Variants in AHNAK observed in about 807,000 individuals in gnomAD.
AHNAK encodes neuroblast differentiation-associated protein AHNAK.
A neutral mutation model predicts 37.8 loss-of-function variants in AHNAK; 23 were observed. The observed-to-expected ratio is 0.61, with a 90% CI of 0.44 to 0.86. The LOEUF (loss-of-function observed/expected upper bound fraction) is 0.86. AHNAK is among the 40% of genes least tolerant of loss of function. The pLI, the probability that AHNAK is intolerant of heterozygous loss-of-function variation, is 0.00. For synonymous variants in AHNAK, 2,481 were observed against 2,636.3 expected (o/e 0.94, Z 1.80); for missense variants, 7,411 against 7,319.4 (o/e 1.01, Z -0.46).
At position 62,525,560 on chromosome 11, in the gene AHNAK, T is replaced by C; in HGVS notation, c.8857A>G (p.Met2953Val). Reference protein sequence around the residue: ...EGKLKGPKFKMPEMNIKAPKI... With the variant: ...EGKLKGPKFKVPEMNIKAPKI... Reference sequence around the variant, plus strand: ...GGGGCTTTGATATTCATCTCTGGCATCTTGAACTTGGGCCCTTTCAACTTT... The same window carrying C: ...GGGGCTTTGATATTCATCTCTGGCACCTTGAACTTGGGCCCTTTCAACTTT... Residue 2953 changes from methionine (M) to valine (V), a missense_variant, in exon 5 of 5, where the codon ATG becomes GTG. Transcript: ENST00000378024. 1 of 1,614,068 alleles carries C rather than the reference T, an allele frequency of 6.2e-7. No individual in the cohort carries two copies. The highest frequency in any genetic ancestry group is 8.5e-7 in the Non-Finnish European group (1 of 1,180,016).
chr11:62,545,003 C>G (rs1309995944), intron 1 of AHNAK, among the ~76,000 whole-genome samples: 2 of 152,160 alleles, frequency 1.3e-5, no homozygotes, highest in African/African-American at 4.8e-5. Flanking sequence ...GGGTTCGAAA[C>G]CAGTATTTAC....
At chr11:62,535,853 C>T in intron 3 of AHNAK, 92 bp downstream of exon 3, 1 of 1,490,678 alleles carries the variant, frequency 6.7e-7, no homozygotes, top group Non-Finnish European at 9.0e-7. Flanking sequence ...GACAGCCACT[C>T]ACCCACTTCT....
At position 62,518,415 on chromosome 11, in the gene AHNAK, G is replaced by A. The variant is rs139078432; in HGVS notation, c.16002C>T (p.Val5334=). ...CTCCTCCCACCTGCATTTTGCCACC[G>A]ACACCACTGAGGTTGAGCCCTGGAG... ...VHAPGLNLSG[V]GGKMQVGGDG... The change falls in exon 5 of 5, where the codon GTC becomes GTT. Residue 5334 remains valine (V), a synonymous_variant. Coordinates refer to ENST00000378024, the MANE Select transcript of AHNAK (RefSeq NM_001620.3). The A allele has an allele frequency of 9.5e-4, 1,531 of 1,614,032 alleles. 5 individuals are homozygous for A. In the African/African-American group the frequency reaches 0.012, roughly 12 times the overall value.
intron 5 of AHNAK, among the ~76,000 whole-genome samples, chr11:62,483,726 G>T (rs1036163376): frequency 1.8e-4 from 27 of 152,134 alleles, no homozygotes; most frequent in Non-Finnish European, 3.2e-4. Context: ...AGGCGTGGTG[G>T]CTGGCACCTG....
At position 62,533,517 on chromosome 11, in the gene AHNAK, A is replaced by C. The variant is rs1252816639; in HGVS notation, c.900T>G (p.Asp300Glu). The change falls in exon 5 of 5, where the codon GAT (aspartate) becomes GAG (glutamate). Residue 300 changes from aspartate (D) to glutamate (E), a missense_variant. Transcript: ENST00000378024. Reference protein sequence around the residue: ...EVQGPSLESGDHGKIKFPTMK... With the variant: ...EVQGPSLESGEHGKIKFPTMK... The stretch of plus-strand genomic sequence containing the variant: ...TGGTGGGAAATTTAATTTTGCCATG[A>C]TCACCACTCTCCAGAGATGGGCCCT... 1.2e-6 allele frequency: 2 copies of C among 1,614,070 alleles called. No individual in the cohort carries two copies. Among genetic ancestry groups the C allele is most frequent in the South Asian group, 1.1e-5 (1 of 91,076 alleles).
chr11:62,537,078 C>T (rs1039171366), intron 1 of AHNAK, among the ~76,000 whole-genome samples: 1 of 151,862 alleles, frequency 6.6e-6, no homozygotes, highest in Non-Finnish European at 1.5e-5. Context: ...CTCAGCCTCC[C>T]GAGTAGCTGG....
rs114799698 is a variant in AHNAK, at chr11:62,520,510, A to G, written c.13907T>C (p.Ile4636Thr). 1.5e-4 allele frequency: 245 copies of G among 1,613,970 alleles called. No individual in the cohort carries two copies. In the African/African-American group the frequency reaches 2.5e-3, roughly 17 times the overall value. ...EVDIRDPKVDIDVPDVDVQGP... is the reference protein window; with the variant it reads ...EVDIRDPKVDTDVPDVDVQGP... ...TTGAACGTCCACATCTGGGACATCA[A>G]TGTCCACTTTGGGGTCCCTGATGTC... The change falls in exon 5 of 5, where the codon ATT (isoleucine) becomes ACT (threonine). Residue 4636 changes from isoleucine to threonine, a missense_variant. Transcript: ENST00000378024.
chr11:62,529,198 T>A lies in AHNAK; in HGVS notation c.5219A>T (p.Asp1740Val). 10 of 1,614,228 alleles carry A rather than the reference T, an allele frequency of 6.2e-6. No homozygotes were observed. The highest frequency in any genetic ancestry group is 7.6e-6 in the Non-Finnish European group (9 of 1,180,048). The change falls in exon 5 of 5, where the codon GAC becomes GTC. Residue 1740 changes from aspartate to valine, a missense_variant. Physicochemically the swap from Asp to Val is radical, Grantham distance 152. Coordinates refer to ENST00000378024, the MANE Select transcript of AHNAK (RefSeq NM_001620.3). ...CACACTGGGTCCAGACACATCAATGTCAGCCTTTGGCAGATTCACATCCAC... is the reference window on the plus strand; with the variant it reads ...CACACTGGGTCCAGACACATCAATGACAGCCTTTGGCAGATTCACATCCAC... ...PEVDVNLPKADIDVSGPSVDT... is the reference protein window; with the variant it reads ...PEVDVNLPKAVIDVSGPSVDT...
rs1051322458 is a variant in AHNAK at position 62,530,614 on chromosome 11, T to C, written c.3803A>G (p.Lys1268Arg). 5 of 1,613,078 alleles carry C rather than the reference T, an allele frequency of 3.1e-6. No homozygotes were observed. Among genetic ancestry groups the C allele is most frequent in the Non-Finnish European group, 4.2e-6 (5 of 1,179,820 alleles). ...KMPKFSMPGF[K>R]GEGREVDVNL... The stretch of plus-strand genomic sequence containing the variant: ...CACATCCACTTCTCGGCCCTCTCCT[T>C]TGAAGCCAGGCATGCTAAACTTGGG... The change falls in exon 5 of 5, where the codon AAA (lysine) becomes AGA (arginine). Residue 1268 changes from lysine to arginine, a missense_variant. Coordinates refer to ENST00000378024, the MANE Select transcript of AHNAK (RefSeq NM_001620.3).
chr11:62,480,689 A>G (rs923350000), intron 5 of AHNAK, among the ~76,000 whole-genome samples: 1 of 151,676 alleles, frequency 6.6e-6, no homozygotes, highest in African/African-American at 2.4e-5. Context: ...AAAAGAAAAA[A>G]AAGAAAGGCC....
intron 4 of AHNAK, among the ~76,000 whole-genome samples, chr11:62,504,166 C>T (rs1453256143): frequency 6.8e-6 from 1 of 146,076 alleles, no homozygotes; most frequent in Non-Finnish European, 1.5e-5. Context: ...ATCTCAAAAA[C>T]AGAAAGAGAG....
At chr11:62,461,764 G>T (rs1303994685) in intron 5 of AHNAK, among the ~76,000 whole-genome samples, 1 of 151,398 alleles carries the variant, frequency 6.6e-6, no homozygotes, top group East Asian at 1.9e-4. Context: ...GGCGGAGGTT[G>T]CGGTGAGCCG....
At chr11:62,487,519 T>C (rs1433347211) in intron 5 of AHNAK, among the ~76,000 whole-genome samples, 1 of 151,616 alleles carries the variant, frequency 6.6e-6, no homozygotes. Flanking sequence ...GTAAGTGTCT[T>C]TTTTTTTTGA....
At chr11:62,472,668 A>G (rs1310081616) in intron 5 of AHNAK, among the ~76,000 whole-genome samples, 2 of 151,998 alleles carry the variant, frequency 1.3e-5, no homozygotes, top group African/African-American at 4.8e-5. Flanking sequence ...AATGGTCCAG[A>G]CTCCTACATG....
In AHNAK at chr11:62,521,195, G is replaced by A. The variant is rs781132662; in HGVS notation, c.13222C>T (p.Pro4408Ser). Reference protein sequence around the residue: ...KVKGDVDVSLPKVEGDLKGPE... With the variant: ...KVKGDVDVSLSKVEGDLKGPE... ...CCCTTGAGATCACCTTCCACTTTGG[G>A]CAGAGAGACATCCACATCACCTTTC... is the stretch of plus-strand genomic sequence containing the variant. Residue 4408 changes from proline (P) to serine (S), a missense_variant, in exon 5 of 5, where the codon CCC becomes TCC. By Grantham distance (74) the Pro-to-Ser change is moderately conservative. Transcript: ENST00000378024. 2 of 1,614,044 alleles carry A rather than the reference G, an allele frequency of 1.2e-6. No homozygotes were observed. Among genetic ancestry groups the A allele is most frequent in the Non-Finnish European group, 1.7e-6 (2 of 1,180,008 alleles).
chr11:62,501,763 C>T (rs1178948102), intron 4 of AHNAK, among the ~76,000 whole-genome samples: 2 of 152,168 alleles, frequency 1.3e-5, no homozygotes, highest in Non-Finnish European at 2.9e-5. Flanking sequence ...ACGCTGGCCA[C>T]GGAGCCACTG....
Position 62,525,651 on chromosome 11 carries a change from G to A in AHNAK, c.8766C>T (p.Asp2922=), listed in dbSNP as rs374484188. ...CCACTTTGGGGCCTGAGACATCAAC[G>A]TCAGCCTTGGGCAGGTTCACATCCA... ...PEVDVNLPKA[D]VDVSGPKVDV... is the part of the protein sequence containing the mutation. The change falls in exon 5 of 5, where the codon GAC becomes GAT. Residue 2922 remains aspartate (D), a synonymous_variant. Transcript: ENST00000378024. 23 of 1,612,976 alleles carry A rather than the reference G, an allele frequency of 1.4e-5. No homozygotes were observed. In the East Asian group the frequency reaches 2.5e-4, roughly 17 times the overall value.
At chr11:62,490,859 C>A (rs1939494606) in intron 5 of AHNAK, among the ~76,000 whole-genome samples, 2 of 152,120 alleles carry the variant, frequency 1.3e-5, no homozygotes, top group African/African-American at 4.8e-5. Flanking sequence ...GCAATCTCAA[C>A]TCACGGCAAC....
intron 5 of AHNAK, among the ~76,000 whole-genome samples, chr11:62,467,094 CTTG>C (rs1938927245): frequency 6.6e-6 from 1 of 151,602 alleles, no homozygotes; most frequent in African/African-American, 2.4e-5. Flanking sequence ...GTCCCAGCTA[CTTG>C]AGGGGCTGAG....
Sources: allele counts gnomAD v4.1 joint callset (sites outside exome capture counted in the v4.1 genomes callset), GRCh38; gene constraint gnomAD v4.1.1; transcripts MANE v1.5; gene names NCBI Gene and HGNC (gene_info 2026-07-23, HGNC 2026-07-21).